CDC42BPA: variants seen among roughly 807,000 people sequenced by gnomAD.
CDC42BPA encodes serine/threonine-protein kinase MRCK alpha.
CDC42BPA carries 80 observed loss-of-function variants against 223.5 expected under a neutral mutation model. The ratio of observed to expected loss-of-function variants is 0.36; its 90% CI spans 0.30 to 0.43. CDC42BPA has a LOEUF of 0.43. CDC42BPA is among the 20% of genes least tolerant of loss of function. CDC42BPA has a pLI of 1.00. For synonymous variants in CDC42BPA, 694 were observed against 718.6 expected (o/e 0.97, Z 0.55); for missense variants, 1,743 against 2,099.9 (o/e 0.83, Z 3.32).
At chr1:227,299,641 T>G (rs1057224817) in intron 1 of CDC42BPA, among the ~76,000 whole-genome samples, 1 of 152,230 alleles carries the variant, frequency 6.6e-6, no homozygotes, top group Non-Finnish European at 1.5e-5. Context: ...AGATTTATTA[T>G]GTAAATTTTT....
At chr1:226,997,459 CTCTGA>C (rs1661877647) in intron 35 of CDC42BPA, among the ~76,000 whole-genome samples, 1 of 152,106 alleles carries the variant, frequency 6.6e-6, no homozygotes, top group African/African-American at 2.4e-5. Flanking sequence ...TTCAGTTCTG[CTCTGA>C]TCTTAGTTAT....
intron 21 of CDC42BPA, among the ~76,000 whole-genome samples, chr1:227,066,848 A>C (rs1677200224): frequency 6.6e-6 from 1 of 152,180 alleles, no homozygotes; most frequent in South Asian, 2.1e-4. Flanking sequence ...TATTATTACT[A>C]TTTGCCTGAT....
chr1:227,159,725 T>C (rs147747640), intron 6 of CDC42BPA, among the ~76,000 whole-genome samples: 12 of 151,924 alleles, frequency 7.9e-5, no homozygotes, highest in Admixed American at 4.6e-4. Flanking sequence ...AGAGTATCAC[T>C]ATGTTGCTTA....
chr1:227,015,190 G>A (rs1665962117), intron 34 of CDC42BPA, among the ~76,000 whole-genome samples: 1 of 151,990 alleles, frequency 6.6e-6, no homozygotes, highest in Non-Finnish European at 1.5e-5. Flanking sequence ...ACTTTCAGAG[G>A]CCAAGGTGGG....
chr1:227,008,799 A>AAAGCCAGCAC (rs1331149776), intron 34 of CDC42BPA, among the ~76,000 whole-genome samples: 1 of 152,218 alleles, frequency 6.6e-6, no homozygotes, highest in Non-Finnish European at 1.5e-5. Flanking sequence ...TGCCATCTAC[A>AAAGCCAGCAC]TCAATTTGGT....
chr1:227,046,188 TAA>T (rs1482987186), intron 23 of CDC42BPA, among the ~76,000 whole-genome samples: 2 of 149,600 alleles, frequency 1.3e-5, no homozygotes, highest in African/African-American at 5.0e-5. Flanking sequence ...GTAAAAAAGC[TAA>T]AGAGATTTTG....
rs569739902 is a variant in CDC42BPA, at chr1:227,004,691, C to A, written c.4975+303G>T. 2.6e-5 allele frequency: 10 copies of A among 382,370 alleles called. No homozygotes were observed. In the East Asian group the frequency reaches 5.1e-4, roughly 20 times the overall value. 23.7% of individuals were successfully genotyped at this position (382,370 alleles called of 1,614,324 possible). On this transcript the variant is annotated intron_variant, in intron 35 of 36. Transcript: ENST00000366766. ...AGTAGGGATTCATCCCTAACAGCTACCCCTTGTTATTCTCTATTAATGTAT... is the reference window on the plus strand; with the variant it reads ...AGTAGGGATTCATCCCTAACAGCTAACCCTTGTTATTCTCTATTAATGTAT...
intron 27 of CDC42BPA, among the ~76,000 whole-genome samples, chr1:227,032,982 C>T (rs537776529): frequency 5.9e-5 from 9 of 152,220 alleles, no homozygotes; most frequent in Admixed American, 1.3e-4. Flanking sequence ...AAGTAACAAA[C>T]GCATTAATTT....
In CDC42BPA at chr1:227,052,013, A is replaced by G. The variant is rs1258208166; in HGVS notation, c.2905-28T>C. On this transcript the variant is annotated intron_variant, in intron 21 of 36. Transcript: ENST00000366766. ...AGGAAAATAAGTCGGGAAAAATAAAAACCCAAAAAATCACTTTTCAACAAT... is the reference window on the plus strand; with the variant it reads ...AGGAAAATAAGTCGGGAAAAATAAAGACCCAAAAAATCACTTTTCAACAAT... 3.8e-6 allele frequency: 5 copies of G among 1,317,732 alleles called. No individual in the cohort carries two copies. In the South Asian group the frequency reaches 5.8e-5, roughly 15 times the overall value. 81.6% of individuals were successfully genotyped at this position (1,317,732 alleles called of 1,614,324 possible).
chr1:227,260,488 C>T (rs1683846022), intron 1 of CDC42BPA, among the ~76,000 whole-genome samples: 1 of 151,038 alleles, frequency 6.6e-6, no homozygotes. Flanking sequence ...CCTCCTTCCT[C>T]CCTACAACTA....
At chr1:227,142,830 G>A in intron 9 of CDC42BPA, 115 bp downstream of exon 9, 1 of 539,976 alleles carries the variant, frequency 1.9e-6, no homozygotes, top group Non-Finnish European at 3.2e-6. Context: ...ATATTGGCCA[G>A]GCTGGTCTCG....
intron 15 of CDC42BPA, among the ~76,000 whole-genome samples, chr1:227,094,146 T>C (rs1185188004): frequency 1.3e-5 from 2 of 152,190 alleles, no homozygotes; most frequent in South Asian, 4.1e-4. Flanking sequence ...GGAAGGAGTA[T>C]GGGCAGCATA....
Position 227,247,450 on chromosome 1 carries a change from G to A in CDC42BPA, c.270+6614C>T, listed in dbSNP as rs572114219. ...GCGGAGGTTGCAGTGAGCTGAGATC[G>A]TGCCACTGCACTCTAGCCTGGGTGA... is the stretch of plus-strand genomic sequence containing the variant. On this transcript the variant is annotated intron_variant, in intron 2 of 36. Coordinates refer to ENST00000366766, the MANE Select transcript of CDC42BPA (RefSeq NM_001394014.1). 9.9e-5 allele frequency among the ~76,000 whole-genome samples: 15 copies of A among 152,158 alleles called. No individual in the cohort carries two copies. In the South Asian group the frequency reaches 1.2e-3, roughly 13 times the overall value.
chr1:227,122,240 T>C (rs1688779397), intron 11 of CDC42BPA, among the ~76,000 whole-genome samples: 1 of 152,234 alleles, frequency 6.6e-6, no homozygotes, highest in South Asian at 2.1e-4. Flanking sequence ...TTAAGGAAAA[T>C]CAATTTAGAG....
intron 1 of CDC42BPA, among the ~76,000 whole-genome samples, chr1:227,313,559 T>C (rs1486748574): frequency 6.6e-6 from 1 of 152,162 alleles, no homozygotes; most frequent in African/African-American, 2.4e-5. Context: ...CCAATATTGC[T>C]GATTATTCTA....
chr1:227,253,010 A>G (rs1299378689), intron 2 of CDC42BPA, among the ~76,000 whole-genome samples: 1 of 152,230 alleles, frequency 6.6e-6, no homozygotes. Flanking sequence ...GAGGTCTTCT[A>G]TACTGAATGA....
chr1:227,251,179 A>AAT (rs1558871123), intron 2 of CDC42BPA, among the ~76,000 whole-genome samples: 1 of 152,218 alleles, frequency 6.6e-6, no homozygotes, highest in African/African-American at 2.4e-5. Context: ...AAATAGGTAC[A>AAT]ATATATATGT....
At chr1:227,014,032 T>C (rs1347370519) in intron 34 of CDC42BPA, among the ~76,000 whole-genome samples, 1 of 152,064 alleles carries the variant, frequency 6.6e-6, no homozygotes, top group African/African-American at 2.4e-5. Context: ...CCACCTTCCA[T>C]AAGGAAAAAC....
chr1:227,283,278 C>T (rs531091585), intron 1 of CDC42BPA, among the ~76,000 whole-genome samples: 2 of 152,104 alleles, frequency 1.3e-5, no homozygotes. Context: ...CTATTAAATG[C>T]TACAGAAAGT....
Sources: allele counts gnomAD v4.1 joint callset (sites outside exome capture counted in the v4.1 genomes callset), GRCh38; gene constraint gnomAD v4.1.1; transcripts MANE v1.5; gene names NCBI Gene and HGNC (gene_info 2026-07-23, HGNC 2026-07-21).